Variants in STK32B observed in about 807,000 individuals in gnomAD.
STK32B encodes the protein serine/threonine-protein kinase 32B.
STK32B carries 43 observed loss-of-function variants against 52.6 expected under a neutral mutation model. That is an observed-to-expected ratio of 0.82 (90% CI 0.64 to 1.05). The LOEUF (loss-of-function observed/expected upper bound fraction) is 1.05, where lower values mean the gene tolerates loss of function less well. STK32B is among the 50% of genes least tolerant of loss of function. STK32B has a pLI of 0.00. For missense variants in STK32B, 621 were observed against 534.6 expected (o/e 1.16, Z -1.59); for synonymous variants, 238 against 204.3 (o/e 1.17, Z -1.41).
At chr4:5,204,458 TTTTTG>T (rs10694962) in intron 3 of STK32B, among the ~76,000 whole-genome samples, 17 of 146,856 alleles carry the variant, frequency 1.2e-4, no homozygotes, top group African/African-American at 2.0e-4. Context: ...TTTTTAGGTT[TTTTTG>T]TTTTGTTTTG....
intron 2 of STK32B, among the ~76,000 whole-genome samples, chr4:5,150,122 T>G (rs532824133): frequency 6.6e-6 from 1 of 152,194 alleles, no homozygotes; most frequent in East Asian, 1.9e-4. Flanking sequence ...ATGTAATGTG[T>G]CACTTTTGTC....
intron 3 of STK32B, among the ~76,000 whole-genome samples, chr4:5,195,320 T>G (rs1339675908): frequency 6.6e-6 from 1 of 152,304 alleles, no homozygotes; most frequent in Admixed American, 6.5e-5. Context: ...TGTATCAGAT[T>G]TGTGCCTGCT....
chr4:5,140,218 CT>C lies in STK32B; in HGVS notation c.108+260del, dbSNP rs1369349195. ...TCAGGATTGCCAATGCCGTTTGTTC[CT>C]TGAGAATCTAAGTGAGGAAAGTTGA... On this transcript the variant is annotated intron_variant, in intron 2 of 11. Coordinates refer to ENST00000282908, the MANE Select transcript of STK32B (RefSeq NM_018401.3). The C allele has an allele frequency of 3.4e-6, 5 of 1,481,586 alleles. No individual in the cohort carries two copies. In the South Asian group the frequency reaches 4.8e-5, roughly 14 times the overall value. The allele number at this position is 1,481,586 out of a possible 1,614,324, so 91.8% of individuals were successfully genotyped here.
At chr4:5,444,297 C>G (rs556389383) in intron 6 of STK32B, among the ~76,000 whole-genome samples, 1 of 152,344 alleles carries the variant, frequency 6.6e-6, no homozygotes, top group African/African-American at 2.4e-5. Context: ...GGGATATAAT[C>G]TTGTGGTGCA....
intron 3 of STK32B, among the ~76,000 whole-genome samples, chr4:5,278,405 A>T (rs759578729): frequency 1.3e-5 from 2 of 152,148 alleles, no homozygotes; most frequent in African/African-American, 2.4e-5. Context: ...TGGGCGTAGG[A>T]GATGAGACCT....
At chr4:5,363,893 T>A (rs939501373) in intron 4 of STK32B, among the ~76,000 whole-genome samples, 1 of 152,144 alleles carries the variant, frequency 6.6e-6, no homozygotes, top group African/African-American at 2.4e-5. Flanking sequence ...GAAAACTCCC[T>A]CCTGGCATAT....
chr4:5,022,723 G>A, the STK32B span, among the ~76,000 whole-genome samples: 1 of 152,232 alleles, frequency 6.6e-6, no homozygotes, highest in Non-Finnish European at 1.5e-5. Context: ...ATCGGCCATT[G>A]CCTTTGGATG....
chr4:5,202,759 A>G (rs1328710557), intron 3 of STK32B, among the ~76,000 whole-genome samples: 1 of 152,244 alleles, frequency 6.6e-6, no homozygotes, highest in Non-Finnish European at 1.5e-5. Flanking sequence ...TGGCAGCCCC[A>G]GGTGTCATTG....
At chr4:5,147,372 A>G (rs962703969) in intron 2 of STK32B, among the ~76,000 whole-genome samples, 22 of 152,100 alleles carry the variant, frequency 1.4e-4, no homozygotes, top group African/African-American at 5.1e-4. Context: ...CAATCATTCT[A>G]TTTGCTAATA....
intron 11 of STK32B, among the ~76,000 whole-genome samples, chr4:5,491,295 T>C (rs1286366772): frequency 6.6e-6 from 1 of 152,206 alleles, no homozygotes; most frequent in Non-Finnish European, 1.5e-5. Flanking sequence ...TGGTATCTCA[T>C]TGTGGTTTTG....
In STK32B at chr4:5,460,205, C is replaced by T. The variant is rs545552601; in HGVS notation, c.886C>T (p.Leu296=). 1 of 1,613,364 alleles carries T rather than the reference C, an allele frequency of 6.2e-7. No homozygotes were observed. The highest frequency in any genetic ancestry group is 2.2e-5 in the East Asian group (1 of 44,876). The part of the protein sequence containing the change: ...MNWDAVFKKA[L]MPGFVPNKGR... ...CTGGGACGCGGTGTTCAAGAAGGCA[C>T]TGATGCCCGGCTTTGTGCCCAATGT... Residue 296 remains leucine, a synonymous_variant, in exon 9 of 12, where the codon CTG becomes TTG. Transcript: ENST00000282908. The surrounding 1 kb of genome is among the most constrained non-coding windows in gnomAD (Gnocchi z 4.8).
At chr4:5,230,209 T>TA (rs1724164627) in intron 3 of STK32B, among the ~76,000 whole-genome samples, 1 of 86,708 alleles carries the variant, frequency 1.2e-5, no homozygotes, top group Non-Finnish European at 2.3e-5. Flanking sequence ...TTTTTTTTTT[T>TA]AGTGGAGTCT....
chr4:5,297,724 A>C (rs1329056234), intron 3 of STK32B, among the ~76,000 whole-genome samples: 1 of 151,756 alleles, frequency 6.6e-6, no homozygotes, highest in Admixed American at 6.6e-5. Context: ...TTAGGTTAGA[A>C]CATGCTCCTT....
At chr4:5,302,982 CTGTGTG>C (rs112918767) in intron 3 of STK32B, among the ~76,000 whole-genome samples, 20,756 of 149,904 alleles carry the variant, frequency 0.14, 2,826 homozygotes, top group African/African-American at 0.36. Flanking sequence ...GTGTGTGTGT[CTGTGTG>C]TGTGTGTGTT....
At chr4:5,170,770 A>G (rs903543751) in intron 3 of STK32B, among the ~76,000 whole-genome samples, 56 of 152,204 alleles carry the variant, frequency 3.7e-4, no homozygotes, top group Non-Finnish European at 1.0e-4. Flanking sequence ...CAGTAAACAT[A>G]CGTGTGCATG....
intron 11 of STK32B, among the ~76,000 whole-genome samples, chr4:5,468,700 G>A (rs1035827540): frequency 1.3e-5 from 2 of 152,170 alleles, no homozygotes; most frequent in Non-Finnish European, 2.9e-5. Context: ...CCCTGGCCAT[G>A]GGACTGCCCT....
At chr4:5,177,608 C>A (rs1720014684) in intron 3 of STK32B, among the ~76,000 whole-genome samples, 1 of 152,172 alleles carries the variant, frequency 6.6e-6, no homozygotes, top group Non-Finnish European at 1.5e-5. Flanking sequence ...TCATCTGCGA[C>A]AAGGCAAGTC....
intron 1 of STK32B, among the ~76,000 whole-genome samples, chr4:5,069,299 C>T (rs1711612560): frequency 6.6e-6 from 1 of 150,538 alleles, no homozygotes; most frequent in Non-Finnish European, 1.5e-5. Flanking sequence ...TTCACAATGG[C>T]AGGTTCTTGA....
intron 3 of STK32B, among the ~76,000 whole-genome samples, chr4:5,186,455 G>A (rs1720746339): frequency 6.6e-6 from 1 of 152,210 alleles, no homozygotes; most frequent in Non-Finnish European, 1.5e-5. Flanking sequence ...CTGTGAGGAA[G>A]ACAGTTCCTC....
Sources: allele counts gnomAD v4.1 joint callset (sites outside exome capture counted in the v4.1 genomes callset), GRCh38; gene constraint gnomAD v4.1.1; non-coding constraint Gnocchi (gnomAD v3.1); transcripts MANE v1.5; gene names NCBI Gene and HGNC (gene_info 2026-07-23, HGNC 2026-07-21).